The following DSCAML1 variants were observed in gnomAD, a reference collection of about 807,000 sequenced individuals.
DSCAML1 encodes the protein cell adhesion molecule DSCAML1.
Under a neutral mutation model 200.5 loss-of-function variants are expected in DSCAML1, and 38 were observed. The observed-to-expected ratio is 0.19, with a 90% CI of 0.15 to 0.25. The LOEUF (loss-of-function observed/expected upper bound fraction) is 0.25, where lower values mean the gene tolerates loss of function less well. DSCAML1 is among the 10% of genes least tolerant of loss of function. The pLI, the probability that DSCAML1 is intolerant of heterozygous loss-of-function variation, is 1.00. For missense variants in DSCAML1, 2,223 were observed against 2,858.8 expected (o/e 0.78, Z 5.07); for synonymous variants, 1,215 against 1,165.0 (o/e 1.04, Z -0.87).
chr11:117,555,856 C>T (rs1343160581), intron 3 of DSCAML1, among the ~76,000 whole-genome samples: 2 of 151,750 alleles, frequency 1.3e-5, no homozygotes, highest in African/African-American at 2.4e-5. Flanking sequence ...TCATGGAAAG[C>T]CCTCTCCTGC....
intron 4 of DSCAML1, among the ~76,000 whole-genome samples, chr11:117,531,748 T>C (rs2050079906): frequency 6.6e-6 from 1 of 151,830 alleles, no homozygotes; most frequent in African/African-American, 2.4e-5. Flanking sequence ...TAGCCGGGCG[T>C]GGTGGCGCAT....
chr11:117,626,695 A>G (rs964282592), intron 3 of DSCAML1, among the ~76,000 whole-genome samples: 1 of 152,060 alleles, frequency 6.6e-6, no homozygotes, highest in South Asian at 2.1e-4. Context: ...TTATTTTCCC[A>G]TCATCATTGC....
chr11:117,684,936 T>C (rs1318276505), intron 3 of DSCAML1, among the ~76,000 whole-genome samples: 1 of 152,200 alleles, frequency 6.6e-6, no homozygotes, highest in Non-Finnish European at 1.5e-5. Flanking sequence ...CCAGTGGAGA[T>C]GCCAGGGCCG....
At chr11:117,760,860 T>C (rs1176067739) in intron 3 of DSCAML1, among the ~76,000 whole-genome samples, 1 of 152,170 alleles carries the variant, frequency 6.6e-6, no homozygotes, top group Non-Finnish European at 1.5e-5. Context: ...TTCCAGCCCC[T>C]TCACTTACAG....
At chr11:117,603,941 C>G (rs1447696040) in intron 3 of DSCAML1, among the ~76,000 whole-genome samples, 1 of 152,222 alleles carries the variant, frequency 6.6e-6, no homozygotes, top group Non-Finnish European at 1.5e-5. Flanking sequence ...AAAATGACAC[C>G]TCAAGGAAGG....
At chr11:117,602,309 G>A (rs2051481097) in intron 3 of DSCAML1, among the ~76,000 whole-genome samples, 1 of 152,234 alleles carries the variant, frequency 6.6e-6, no homozygotes, top group Non-Finnish European at 1.5e-5. Context: ...CTTGGCATGA[G>A]TGTGTGTTTC....
At chr11:117,584,282 T>C (rs1420728705) in intron 3 of DSCAML1, among the ~76,000 whole-genome samples, 2 of 152,164 alleles carry the variant, frequency 1.3e-5, no homozygotes, top group Admixed American at 6.5e-5. Flanking sequence ...GACACTGGGA[T>C]TCTTGGTCTG....
intron 3 of DSCAML1, among the ~76,000 whole-genome samples, chr11:117,695,334 T>TG (rs1824378149): frequency 7.0e-6 from 1 of 143,074 alleles, no homozygotes; most frequent in East Asian, 2.0e-4. Context: ...TTTTTTTTTT[T>TG]GCTAACCAAC....
rs1005934027 is a variant in DSCAML1 at position 117,814,120 on chromosome 11, C to A, written c.-250+3270G>T. Among the ~76,000 whole-genome samples the A allele has an allele frequency of 1.1e-4, 16 of 150,068 alleles. 1 individual carries two copies. In the South Asian group the frequency reaches 3.3e-3, roughly 31 times the overall value. On this transcript the variant is annotated intron_variant, in intron 1 of 2. Coordinates refer to the DSCAML1 transcript ENST00000525836. Reference sequence around the variant, plus strand: ...GGCTCAGAAGCTCCCCCACTGAGCACCTTGTGACCCCCCTTCCCTGCCCAC... The same window carrying A: ...GGCTCAGAAGCTCCCCCACTGAGCAACTTGTGACCCCCCTTCCCTGCCCAC...
chr11:117,799,345 G>A (rs894583590), upstream of DSCAML1, among the ~76,000 whole-genome samples: 2 of 152,200 alleles, frequency 1.3e-5, no homozygotes, highest in African/African-American at 4.8e-5. Context: ...GAGTGGGCCT[G>A]GGGTAGCGGC....
intron 5 of DSCAML1, among the ~76,000 whole-genome samples, chr11:117,524,351 A>ACC (rs534846910): frequency 5.3e-5 from 8 of 152,242 alleles, no homozygotes; most frequent in Admixed American, 1.3e-4. Flanking sequence ...CCTGAATGTC[A>ACC]CCCTAGGATT....
intron 3 of DSCAML1, among the ~76,000 whole-genome samples, chr11:117,735,676 A>G (rs988153516): frequency 4.6e-5 from 7 of 152,234 alleles, no homozygotes; most frequent in Admixed American, 2.6e-4. Context: ...CTGCTCATAC[A>G]AAATGAAAGA....
intron 14 of DSCAML1, among the ~76,000 whole-genome samples, chr11:117,472,489 G>A (rs922256882): frequency 6.6e-6 from 1 of 152,154 alleles, no homozygotes. Context: ...CCTTTTGTGT[G>A]TGCTTCTGTC....
At chr11:117,630,515 C>T (rs1018610562) in intron 3 of DSCAML1, among the ~76,000 whole-genome samples, 2 of 152,054 alleles carry the variant, frequency 1.3e-5, no homozygotes, top group African/African-American at 4.8e-5. Flanking sequence ...CTCTCTATTG[C>T]CCCTGCCTTG....
chr11:117,579,141 C>T (rs1169178758), intron 3 of DSCAML1, among the ~76,000 whole-genome samples: 1 of 152,224 alleles, frequency 6.6e-6, no homozygotes, highest in African/African-American at 2.4e-5. Context: ...CCCTCCTCCC[C>T]CACCGAGGCT....
chr11:117,603,652 G>A (rs2051508321), intron 3 of DSCAML1, among the ~76,000 whole-genome samples: 1 of 152,200 alleles, frequency 6.6e-6, no homozygotes, highest in Admixed American at 6.5e-5. Flanking sequence ...AATTCATTCT[G>A]AAGGAAGATG....
chr11:117,517,276 C>T lies in DSCAML1; in HGVS notation c.1511-537G>A, dbSNP rs540742532. Among the ~76,000 whole-genome samples, 4 of 152,262 alleles carry T rather than the reference C, an allele frequency of 2.6e-5. No homozygotes were observed. In the South Asian group the frequency reaches 8.3e-4, roughly 32 times the overall value. ...TCAACAAGTAAATGTGTATTGTAGG[C>T]CCCTGGGAAGGAGCTGTGAAAGGGG... On this transcript the variant is annotated intron_variant, in intron 7 of 32. Transcript: ENST00000651296.
intron 3 of DSCAML1, among the ~76,000 whole-genome samples, chr11:117,657,848 C>A (rs2052765433): frequency 6.6e-6 from 1 of 152,138 alleles, no homozygotes; most frequent in African/African-American, 2.4e-5. Flanking sequence ...TCTTCTTCCA[C>A]AATGAAGCAG....
chr11:117,481,919 C>G (rs1205541598), intron 12 of DSCAML1, 44 bp downstream of exon 12: 1 of 1,609,982 alleles, frequency 6.2e-7, no homozygotes, highest in East Asian at 2.2e-5. Flanking sequence ...GCTCCCCACT[C>G]TCTGAGAGTT....
Sources: gnomAD v4.1 joint callset for allele counts (sites outside exome capture counted in the v4.1 genomes callset) on GRCh38, gnomAD v4.1.1 for gene constraint, MANE v1.5 for transcripts, NCBI Gene and HGNC (gene_info 2026-07-23, HGNC 2026-07-21) for gene names.